Variants in NAV2 observed in about 807,000 individuals in gnomAD.
NAV2 encodes the protein neuron navigator 2.
Under a neutral mutation model 223.2 loss-of-function variants are expected in NAV2, and 54 were observed. The observed-to-expected ratio is 0.24, with a 90% CI of 0.19 to 0.30. The LOEUF is 0.30. Among genes scored for constraint, NAV2 ranks in the 10% least tolerant of loss-of-function variants. The pLI is 1.00. For missense variants in NAV2, 2,806 were observed against 3,147.5 expected (o/e 0.89, Z 2.60); for synonymous variants, 1,279 against 1,239.3 (o/e 1.03, Z -0.67).
At chr11:19,712,085 A>G (rs2049908162), upstream of NAV2, 2 of 152,212 alleles carry the variant, frequency 1.3e-5, no homozygotes. Flanking sequence ...GAGTCGAGGA[A>G]CCTGTTGGGG....
chr11:19,371,250 A>T (rs1848459002), intron 1 of NAV2, among the ~76,000 whole-genome samples: 1 of 152,080 alleles, frequency 6.6e-6, no homozygotes, highest in African/African-American at 2.4e-5. Flanking sequence ...TATTATCTTG[A>T]TTTTTTTCCA....
At chr11:19,654,819 A>C (rs1281313890) in intron 1 of NAV2, among the ~76,000 whole-genome samples, 7 of 152,250 alleles carry the variant, frequency 4.6e-5, no homozygotes, top group Admixed American at 4.6e-4. Flanking sequence ...ACCATTCAGG[A>C]CATAGGCATG....
chr11:20,020,718 A>T (rs1169916030), intron 11 of NAV2, among the ~76,000 whole-genome samples: 1 of 152,202 alleles, frequency 6.6e-6, no homozygotes, highest in African/African-American at 2.4e-5. Context: ...ATTTACATGA[A>T]CTTTTATAAA....
chr11:19,720,929 C>G (rs888092955), intron 1 of NAV2, among the ~76,000 whole-genome samples: 3 of 152,202 alleles, frequency 2.0e-5, no homozygotes, highest in Non-Finnish European at 4.4e-5. Flanking sequence ...ATAGTACCTG[C>G]TGTACCTTCT....
rs375771935 is a variant in NAV2, at chr11:19,415,117, G to A, written c.75+64090G>A. On this transcript the variant is annotated intron_variant, in intron 1 of 37. Transcript: ENST00000360655. ...GATCAGAGCAGAAATGAAGGAGATAGAGACACGAAAAACCCTTCAAAAAAT... is the reference window on the plus strand; with the variant it reads ...GATCAGAGCAGAAATGAAGGAGATAAAGACACGAAAAACCCTTCAAAAAAT... 3.8e-4 allele frequency among the ~76,000 whole-genome samples: 58 copies of A among 152,178 alleles called. No homozygotes were observed. The East Asian group carries it at 9.1e-3, about 24-fold the overall frequency.
chr11:19,647,655 G>C (rs573544609), intron 1 of NAV2, among the ~76,000 whole-genome samples: 2 of 152,146 alleles, frequency 1.3e-5, no homozygotes, highest in Non-Finnish European at 2.9e-5. Context: ...CCCATACCTT[G>C]CTGTGTCTGT....
At position 19,554,901 on chromosome 11, in the gene NAV2, C is replaced by T. The variant is rs371074430; in HGVS notation, c.75+203874C>T. Among the ~76,000 whole-genome samples, 68 of 150,738 alleles carry T rather than the reference C, an allele frequency of 4.5e-4. 1 individual carries two copies. Among genetic ancestry groups the T allele is most frequent in the African/African-American group, 1.5e-3 (63 of 40,888 alleles). On this transcript the variant is annotated intron_variant, in intron 1 of 37. Transcript: ENST00000360655. ...GGAGGAGGTTGCAGTGAGCTGAGAT[C>T]GCGTCATTGCACTTCAGCCTGGGCA... is the stretch of plus-strand genomic sequence containing the variant.
At chr11:19,961,030 C>T (rs936334316) in intron 10 of NAV2, among the ~76,000 whole-genome samples, 1 of 152,124 alleles carries the variant, frequency 6.6e-6, no homozygotes, top group Non-Finnish European at 1.5e-5. Context: ...AGTCCCTGAG[C>T]CCCCCTGTTT....
intron 1 of NAV2, among the ~76,000 whole-genome samples, chr11:19,796,019 T>C (rs938358196): frequency 6.6e-6 from 1 of 151,960 alleles, no homozygotes; most frequent in African/African-American, 2.4e-5. Context: ...CTCCTAAGAG[T>C]AGGGCTAAGC....
chr11:19,372,565 G>T (rs1045612661), intron 1 of NAV2, among the ~76,000 whole-genome samples: 1 of 152,190 alleles, frequency 6.6e-6, no homozygotes, highest in African/African-American at 2.4e-5. Context: ...ATGTCTGGGG[G>T]TGCTTGCAGA....
At chr11:19,819,320 T>G (rs1334345372) in intron 1 of NAV2, among the ~76,000 whole-genome samples, 1 of 152,150 alleles carries the variant, frequency 6.6e-6, no homozygotes, top group Non-Finnish European at 1.5e-5. Context: ...GGACTGACAT[T>G]TACTTTGCTT....
intron 1 of NAV2, among the ~76,000 whole-genome samples, chr11:19,407,936 A>G (rs980734073): frequency 1.2e-4 from 18 of 152,134 alleles, no homozygotes; most frequent in Admixed American, 2.6e-4. Context: ...TTAACAGCAG[A>G]CATTTCATGA....
At chr11:19,440,209 A>T (rs1331410985) in intron 1 of NAV2, among the ~76,000 whole-genome samples, 1 of 152,086 alleles carries the variant, frequency 6.6e-6, no homozygotes, top group Non-Finnish European at 1.5e-5. Flanking sequence ...AGTGGGGAGG[A>T]CAGACAATTA....
At chr11:19,346,235 T>G (rs1329309115), upstream of NAV2, among the ~76,000 whole-genome samples, 3 of 152,188 alleles carry the variant, frequency 2.0e-5, no homozygotes, top group Non-Finnish European at 4.4e-5. Flanking sequence ...TAAGTCTGTA[T>G]GTGTGTCTGT....
In NAV2 at chr11:20,058,546, AAG is replaced by A. The variant is rs564412912; in HGVS notation, c.4831+2592_4831+2593del. ...TCCCATGACTTCACCAATCATCACT[AAG>A]AGCTAATGCAGTGAAAAACACAGAA... On this transcript the variant is annotated intron_variant, in intron 19 of 37. Coordinates refer to ENST00000349880, the MANE Select transcript of NAV2 (RefSeq NM_145117.5). 2.6e-5 allele frequency among the ~76,000 whole-genome samples: 4 copies of A among 152,356 alleles called. No homozygotes were observed. In the South Asian group the frequency reaches 8.3e-4, roughly 32 times the overall value.
At chr11:19,544,452 G>A (rs770854764) in intron 1 of NAV2, among the ~76,000 whole-genome samples, 1 of 152,200 alleles carries the variant, frequency 6.6e-6, no homozygotes, top group African/African-American at 2.4e-5. Context: ...CTAGAGATCT[G>A]AGTAGGCATC....
chr11:19,870,979 C>T lies in NAV2; in HGVS notation c.511+1982C>T, dbSNP rs145137482. 3.0e-3 allele frequency among the ~76,000 whole-genome samples: 460 copies of T among 152,304 alleles called. 3 individuals are homozygous for T. The highest frequency in any genetic ancestry group is 0.01 in the African/African-American group (433 of 41,552). Reference sequence around the variant, plus strand: ...GAAGATGTTATAGCCCATGGAGGCACATCATGCAGAAAGACACTCAGCTGT... The same window carrying T: ...GAAGATGTTATAGCCCATGGAGGCATATCATGCAGAAAGACACTCAGCTGT... On this transcript the variant is annotated intron_variant, in intron 4 of 37. Transcript: ENST00000349880.
At chr11:19,650,684 A>T (rs2047945467) in intron 1 of NAV2, among the ~76,000 whole-genome samples, 1 of 152,232 alleles carries the variant, frequency 6.6e-6, no homozygotes, top group African/African-American at 2.4e-5. Flanking sequence ...ATATCCAACG[A>T]CAAGTAAATG....
chr11:19,994,043 A>C (rs2051611960), intron 11 of NAV2, among the ~76,000 whole-genome samples: 1 of 152,216 alleles, frequency 6.6e-6, no homozygotes, highest in Non-Finnish European at 1.5e-5. Context: ...CCTTGGGTGC[A>C]GAGAGGACCA....
Sources: allele counts gnomAD v4.1 joint callset (sites outside exome capture counted in the v4.1 genomes callset), GRCh38; gene constraint gnomAD v4.1.1; transcripts MANE v1.5; gene names NCBI Gene and HGNC (gene_info 2026-07-23, HGNC 2026-07-21).